PDE4D: variants seen among roughly 807,000 people sequenced by gnomAD.
PDE4D encodes 3',5'-cyclic-AMP phosphodiesterase 4D.
In PDE4D, 24 loss-of-function variants were observed where a neutral mutation model predicts 87.4. That is an observed-to-expected ratio of 0.27 (90% CI 0.20 to 0.39). PDE4D has a LOEUF of 0.39. Ranked by LOEUF, PDE4D falls within the 10% of genes least tolerant of loss-of-function variation. PDE4D has a pLI of 1.00. For missense variants in PDE4D, 714 were observed against 1,041.0 expected (o/e 0.69, Z 4.32); for synonymous variants, 384 against 383.2 (o/e 1.00, Z -0.02).
intron 1 of PDE4D, among the ~76,000 whole-genome samples, chr5:59,876,303 A>C (rs915399952): frequency 1.3e-5 from 2 of 152,168 alleles, no homozygotes; most frequent in Non-Finnish European, 2.9e-5. Context: ...AAATATGATA[A>C]TGATGATGAT....
intron 1 of PDE4D, among the ~76,000 whole-genome samples, chr5:59,769,974 G>A (rs771567194): frequency 5.3e-5 from 8 of 152,066 alleles, no homozygotes; most frequent in Non-Finnish European, 7.4e-5. Context: ...TCTTTTAAAT[G>A]TTTACAGAAA....
intron 1 of PDE4D, among the ~76,000 whole-genome samples, chr5:59,862,775 A>G (rs534755213): frequency 1.3e-5 from 2 of 152,298 alleles, no homozygotes; most frequent in Admixed American, 6.5e-5. Flanking sequence ...CTGTGCCTCA[A>G]TTTCCTTATC....
At chr5:59,429,890 T>C (rs1795863258) in intron 1 of PDE4D, among the ~76,000 whole-genome samples, 3 of 152,220 alleles carry the variant, frequency 2.0e-5, no homozygotes, top group Non-Finnish European at 4.4e-5. Context: ...AACTCATTTA[T>C]TGCATTAATG....
intron 1 of PDE4D, among the ~76,000 whole-genome samples, chr5:60,203,754 G>GGTGC (rs1319804657): frequency 6.6e-5 from 10 of 152,076 alleles, no homozygotes; most frequent in African/African-American, 1.9e-4. Flanking sequence ...TATGAAAGAT[G>GGTGC]GTGCAGGTAT....
chr5:59,512,833 C>G (rs1156912544), intron 1 of PDE4D, among the ~76,000 whole-genome samples: 1 of 151,924 alleles, frequency 6.6e-6, no homozygotes, highest in Non-Finnish European at 1.5e-5. Flanking sequence ...ACTGAACAGA[C>G]AAGTATAAAG....
At chr5:60,415,438 T>C (rs1742413066) in intron 1 of PDE4D, among the ~76,000 whole-genome samples, 2 of 152,318 alleles carry the variant, frequency 1.3e-5, no homozygotes, top group African/African-American at 2.4e-5. Flanking sequence ...CGCCCTCAGC[T>C]TGCGGGGAGG....
intron 1 of PDE4D, among the ~76,000 whole-genome samples, chr5:59,355,615 T>G (rs1279794354): frequency 1.3e-5 from 2 of 152,118 alleles, no homozygotes; most frequent in Non-Finnish European, 2.9e-5. Flanking sequence ...ACATAACAAA[T>G]AAATCATTAT....
chr5:60,270,303 T>G (rs549939121), intron 1 of PDE4D, among the ~76,000 whole-genome samples: 1 of 152,234 alleles, frequency 6.6e-6, no homozygotes, highest in East Asian at 1.9e-4. Context: ...TTACATAAAC[T>G]AGAAAGTAGG....
chr5:59,755,111 A>G (rs1761036436), intron 1 of PDE4D, among the ~76,000 whole-genome samples: 1 of 152,170 alleles, frequency 6.6e-6, no homozygotes, highest in Admixed American at 6.6e-5. Context: ...TGAATTAAAT[A>G]AGGAGAAGCT....
intron 1 of PDE4D, among the ~76,000 whole-genome samples, chr5:59,406,389 T>C (rs1582433618): frequency 2.7e-5 from 2 of 73,880 alleles, no homozygotes; most frequent in Non-Finnish European, 5.2e-5. Flanking sequence ...TTTCCTTATC[T>C]TTCCTTCCCC....
rs71604798 is a variant in PDE4D at position 59,702,869 on chromosome 5, CAAAA to C, written c.455+190295_455+190298del. The stretch of plus-strand genomic sequence containing the variant: ...TGGGCAACAGAGTGAGACCCTGTCT[CAAAA>C]AAAAAAAAAAAAAAAAAAATTAGAC... On this transcript the variant is annotated intron_variant, in intron 1 of 14. Transcript: ENST00000340635. Among the ~76,000 whole-genome samples, 35 of 69,812 alleles carry C rather than the reference CAAAA, an allele frequency of 5.0e-4. No homozygotes were observed. The South Asian group carries it at 0.012, about 24-fold the overall frequency. The allele number at this position is 69,812 out of a possible 152,430, so 45.8% of individuals were successfully genotyped here. A position where few individuals can be genotyped will look rare whatever the true frequency, so the allele number is the denominator to read the frequency against.
At chr5:59,409,420 G>A (rs1271247777) in intron 1 of PDE4D, among the ~76,000 whole-genome samples, 1 of 152,170 alleles carries the variant, frequency 6.6e-6, no homozygotes, top group Non-Finnish European at 1.5e-5. Context: ...CAGTTTGGGT[G>A]TCCCCTCCAA....
intron 1 of PDE4D, among the ~76,000 whole-genome samples, chr5:59,238,663 C>G (rs558234030): frequency 6.6e-6 from 1 of 152,232 alleles, no homozygotes; most frequent in East Asian, 1.9e-4. Flanking sequence ...AATGGTTCCT[C>G]TGAGTCATAG....
intron 1 of PDE4D, among the ~76,000 whole-genome samples, chr5:59,439,774 A>G (rs1228940860): frequency 2.0e-5 from 3 of 152,144 alleles, no homozygotes; most frequent in Non-Finnish European, 2.9e-5. Context: ...GATATAGGGG[A>G]CATAGGATGA....
chr5:60,447,176 T>C lies in PDE4D; in HGVS notation c.-90+40766A>G, dbSNP rs902898493. 2.0e-5 allele frequency among the ~76,000 whole-genome samples: 3 copies of C among 152,164 alleles called. No homozygotes were observed. In the East Asian group the frequency reaches 5.8e-4, roughly 29 times the overall value. ...GAGCAGGGCAAGTGGCATGTTCTCA[T>C]CCATTGCCAATATAACATTTTCATT... On this transcript the variant is annotated intron_variant, in intron 1 of 16. Coordinates refer to the PDE4D transcript ENST00000502484.
Position 59,307,924 on chromosome 5 carries a change from C to T in PDE4D, c.456-91956G>A, listed in dbSNP as rs986880567. 1.3e-4 allele frequency among the ~76,000 whole-genome samples: 20 copies of T among 151,926 alleles called. No individual in the cohort carries two copies. The East Asian group carries it at 1.7e-3, about 13-fold the overall frequency. ...GACACATGCACACGTATGTTTATTG[C>T]GGCACTATTCACAATAGCAAAGACT... On this transcript the variant is annotated intron_variant, in intron 1 of 14. Coordinates refer to ENST00000340635, the MANE Select transcript of PDE4D (RefSeq NM_001104631.2).
chr5:59,215,703 T>C, intron 2 of PDE4D, 74 bp downstream of exon 2: 1 of 1,247,224 alleles, frequency 8.0e-7, no homozygotes, highest in South Asian at 1.2e-5. Flanking sequence ...CAAAAGTCAT[T>C]AGTTTTATTA....
chr5:59,802,853 C>T (rs1044312726), intron 1 of PDE4D, among the ~76,000 whole-genome samples: 1 of 152,152 alleles, frequency 6.6e-6, no homozygotes, highest in East Asian at 1.9e-4. Context: ...GCAGTGCTCC[C>T]TGCTAGGCAG....
At chr5:59,296,556 G>C (rs887576691) in intron 1 of PDE4D, among the ~76,000 whole-genome samples, 11 of 152,152 alleles carry the variant, frequency 7.2e-5, no homozygotes, top group Non-Finnish European at 1.5e-4. Flanking sequence ...TGTCCACTGG[G>C]TACTTCATCT....
Sources: gnomAD v4.1 joint callset for allele counts (sites outside exome capture counted in the v4.1 genomes callset) on GRCh38, gnomAD v4.1.1 for gene constraint, MANE v1.5 for transcripts, NCBI Gene and HGNC (gene_info 2026-07-23, HGNC 2026-07-21) for gene names.